SPEM1: variants seen among roughly 807,000 people sequenced by gnomAD.
SPEM1 encodes spermatid maturation protein 1.
A neutral mutation model predicts 9.0 loss-of-function variants in SPEM1; 10 were observed. That is an observed-to-expected ratio of 1.11 (90% CI 0.68 to 1.88). SPEM1 has a LOEUF of 1.88. SPEM1 is among the 40% of genes most tolerant of loss of function. SPEM1 has a pLI of 0.00. For synonymous variants in SPEM1, 175 were observed against 157.8 expected, an observed-to-expected ratio of 1.11 and a Z score of -0.82; for missense variants, 401 against 408.6, an observed-to-expected ratio of 0.98 and a Z score of 0.16.
chr17:7,420,330 C>T lies in SPEM1; in HGVS notation c.-55C>T. On this transcript the variant is annotated 5_prime_UTR_variant, in exon 1 of 3. Coordinates refer to ENST00000323675, the MANE Select transcript of SPEM1 (RefSeq NM_199339.3). ...CAGGGACAGGCAGGCAGTCAGTGGA[C>T]ACTGTCGGCACGGTGGGCTGGGGGC... The T allele has an allele frequency of 1.4e-6, 2 of 1,460,270 alleles. No homozygotes were observed. The highest frequency in any genetic ancestry group is 1.5e-5 in the South Asian group (1 of 68,938). The allele number at this position is 1,460,270 out of a possible 1,614,324, so 90.5% of individuals were successfully genotyped here. A position where few individuals can be genotyped will look rare whatever the true frequency, so the allele number is the denominator to read the frequency against.
chr17:7,421,518 G>T lies in SPEM1; in HGVS notation c.843G>T (p.Leu281=). The part of the protein sequence containing the change: ...LRELTREVEA[L]SGCYPLASGS... Reference sequence around the variant, plus strand: ...AACTGACCCGGGAGGTGGAGGCCCTGTCCGGCTGCTACCCCCTAGCCTCTG... The same window carrying T: ...AACTGACCCGGGAGGTGGAGGCCCTTTCCGGCTGCTACCCCCTAGCCTCTG... Residue 281 remains leucine (L), a synonymous_variant, in exon 3 of 3, where the codon CTG becomes CTT. Transcript: ENST00000323675. This position sits in a 1 kb window ranked among gnomAD's most constrained non-coding sequence, Gnocchi z 4.8. 1 of 1,604,262 alleles carries T rather than the reference G, an allele frequency of 6.2e-7. No individual in the cohort carries two copies.
rs1280454516 is a variant in SPEM1 at position 7,421,515 on chromosome 17, C to T, written c.840C>T (p.Ala280=). The change falls in exon 3 of 3, where the codon GCC becomes GCT. Residue 280 remains alanine (A), a synonymous_variant. Coordinates refer to ENST00000323675, the MANE Select transcript of SPEM1 (RefSeq NM_199339.3). The surrounding 1 kb of genome is among the most constrained non-coding windows in gnomAD (Gnocchi z 4.8). ...GGGAACTGACCCGGGAGGTGGAGGC[C>T]CTGTCCGGCTGCTACCCCCTAGCCT... is the stretch of plus-strand genomic sequence containing the variant. ...RLRELTREVE[A]LSGCYPLASG... 1 of 1,605,738 alleles carries T rather than the reference C, an allele frequency of 6.2e-7. No homozygotes were observed. Among genetic ancestry groups the T allele is most frequent in the Admixed American group, 1.7e-5 (1 of 59,682 alleles).
Position 7,420,872 on chromosome 17 carries a change from C to G in SPEM1, c.206-9C>G, listed in dbSNP as rs780188619. On this transcript the variant is annotated splice_polypyrimidine_tract_variant and intron_variant, in intron 2 of 2. Transcript: ENST00000323675. ...CTCCCCACTAGTCTCACCTCTCCCC[C>G]ATCCACAGAAGCTCCCAAGTCATCA... 1.9e-6 allele frequency: 3 copies of G among 1,612,806 alleles called. No homozygotes were observed. In the African/African-American group the frequency reaches 4.0e-5, roughly 21 times the overall value.
At position 7,421,314 on chromosome 17, in the gene SPEM1, C is replaced by T. The variant is rs779349658; in HGVS notation, c.639C>T (p.Ser213=). 2 of 1,614,126 alleles carry T rather than the reference C, an allele frequency of 1.2e-6. No homozygotes were observed. Among genetic ancestry groups the T allele is most frequent in the Non-Finnish European group, 1.7e-6 (2 of 1,180,008 alleles). ...ATCCTGTGAACCCCCCACCTCCCAGCCCTGAGGCTCCTAGCCACAAGAACG... is the reference window on the plus strand; with the variant it reads ...ATCCTGTGAACCCCCCACCTCCCAGTCCTGAGGCTCCTAGCCACAAGAACG... ...YVYPVNPPPP[S]PEAPSHKNGG... is the part of the protein sequence containing the mutation. The change falls in exon 3 of 3, where the codon AGC becomes AGT. Residue 213 remains serine, a synonymous_variant. Coordinates refer to ENST00000323675, the MANE Select transcript of SPEM1 (RefSeq NM_199339.3). The surrounding 1 kb of genome is among the most constrained non-coding windows in gnomAD (Gnocchi z 4.8).
rs567448046 is a variant in SPEM1, at chr17:7,420,888, C to T, written c.213C>T (p.Pro71=). ...FHDTICEKEA[P]KSSLLRKQTQ... Reference sequence around the variant, plus strand: ...CCTCTCCCCCATCCACAGAAGCTCCCAAGTCATCATTACTCAGAAAGCAGA... The same window carrying T: ...CCTCTCCCCCATCCACAGAAGCTCCTAAGTCATCATTACTCAGAAAGCAGA... Residue 71 remains proline, a synonymous_variant, in exon 3 of 3, where the codon CCC becomes CCT. Coordinates refer to ENST00000323675, the MANE Select transcript of SPEM1 (RefSeq NM_199339.3). 1 of 1,613,662 alleles carries T rather than the reference C, an allele frequency of 6.2e-7. No individual in the cohort carries two copies. The highest frequency in any genetic ancestry group is 2.2e-5 in the East Asian group (1 of 44,872).
rs112739519 is a variant in SPEM1, at chr17:7,421,386, T to A, written c.711T>A (p.Pro237=). Residue 237 remains proline (P), a synonymous_variant, in exon 3 of 3, where the codon CCT becomes CCA. Transcript: ENST00000323675. The surrounding 1 kb of genome is among the most constrained non-coding windows in gnomAD (Gnocchi z 4.8). ...AGGCAGAGGCGGCTCAGTACCAGCC[T>A]GTCCCAGCTCCCACCCTGGGCCCAG... ...VPEAEAAQYQ[P]VPAPTLGPAV... is the part of the protein sequence containing the mutation. The A allele has an allele frequency of 6.2e-7, 1 of 1,608,966 alleles. No individual in the cohort carries two copies. Among genetic ancestry groups the A allele is most frequent in the South Asian group, 1.1e-5 (1 of 90,638 alleles).
chr17:7,420,973 G>A lies in SPEM1; in HGVS notation c.298G>A (p.Val100Met). ...CCATCTTCGGTGCACCATGGACCCTGTGATGATGACTGTGTCCCCGCCCCC... is the reference window on the plus strand; with the variant it reads ...CCATCTTCGGTGCACCATGGACCCTATGATGATGACTGTGTCCCCGCCCCC... ...AVHLRCTMDPVMMTVSPPPAH... is the reference protein window; with the variant it reads ...AVHLRCTMDPMMMTVSPPPAH... The change falls in exon 3 of 3, where the codon GTG becomes ATG. Residue 100 changes from valine to methionine, a missense_variant. Physicochemically the swap from Val to Met is conservative, Grantham distance 21. Transcript: ENST00000323675. The A allele has an allele frequency of 6.2e-7, 1 of 1,614,122 alleles. No individual in the cohort carries two copies. The highest frequency in any genetic ancestry group is 8.5e-7 in the Non-Finnish European group (1 of 1,180,024).
chr17:7,421,517 T>A lies in SPEM1; in HGVS notation c.842T>A (p.Leu281Gln). ...LRELTREVEA[L>Q]SGCYPLASGS... ...GAACTGACCCGGGAGGTGGAGGCCCTGTCCGGCTGCTACCCCCTAGCCTCT... is the reference window on the plus strand; with the variant it reads ...GAACTGACCCGGGAGGTGGAGGCCCAGTCCGGCTGCTACCCCCTAGCCTCT... The change falls in exon 3 of 3, where the codon CTG becomes CAG. Residue 281 changes from leucine (L) to glutamine (Q), a missense_variant. Coordinates refer to ENST00000323675, the MANE Select transcript of SPEM1 (RefSeq NM_199339.3). This position sits in a 1 kb window ranked among gnomAD's most constrained non-coding sequence, Gnocchi z 4.8. 1.2e-6 allele frequency: 2 copies of A among 1,604,386 alleles called. No homozygotes were observed. Among genetic ancestry groups the A allele is most frequent in the Non-Finnish European group, 1.7e-6 (2 of 1,177,054 alleles).
At position 7,421,609 on chromosome 17, in the gene SPEM1, G is replaced by GA. The variant is rs773750114; in HGVS notation, c.*11dup. On this transcript the variant is annotated 3_prime_UTR_variant, in exon 3 of 3. Transcript: ENST00000323675. The surrounding 1 kb of genome is among the most constrained non-coding windows in gnomAD (Gnocchi z 4.8). ...CCGTTCCCTAACTGGGAGGTGACTG[G>GA]AAAAAAATAAAAAGGAGAGAGGAGG... The GA allele has an allele frequency of 3.1e-4, 467 of 1,496,506 alleles. No individual in the cohort carries two copies. The highest frequency in any genetic ancestry group is 4.0e-4 in the Non-Finnish European group (449 of 1,128,776). The allele number at this position is 1,496,506 out of a possible 1,614,324, so 92.7% of individuals were successfully genotyped here. A position where few individuals can be genotyped will look rare whatever the true frequency, so the allele number is the denominator to read the frequency against.
rs756658151 is a variant in SPEM1 at position 7,420,703 on chromosome 17, G to T, written c.205+16G>T. On this transcript the variant is annotated intron_variant, in intron 2 of 2. Transcript: ENST00000323675. The stretch of plus-strand genomic sequence containing the variant: ...TGTGAGAAAGGTAAGAGGTCTGGGG[G>T]CTGGGACATAGGAGGGGCAGAAACC... 6.2e-7 allele frequency: 1 copy of T among 1,613,450 alleles called. No homozygotes were observed. The highest frequency in any genetic ancestry group is 8.5e-7 in the Non-Finnish European group (1 of 1,179,976).
rs201288589 is a variant in SPEM1, at chr17:7,420,636, C to T, written c.154C>T (p.Arg52Ter). The T allele has an allele frequency of 6.2e-7, 1 of 1,614,088 alleles. No individual in the cohort carries two copies. The highest frequency in any genetic ancestry group is 1.1e-5 in the South Asian group (1 of 91,084). The change falls in exon 2 of 3, where the codon CGA becomes TGA. Residue 52 changes from arginine (R) to a stop codon, truncating the protein, a stop_gained. Coordinates refer to ENST00000323675, the MANE Select transcript of SPEM1 (RefSeq NM_199339.3). LOFTEE classifies it high-confidence loss of function. ...GTCTTCCCCCACCTAGCTCTGGAGC[C>T]GATTCCGTGGTGTCTTATACCAAGT... is the stretch of plus-strand genomic sequence containing the variant. The part of the protein sequence containing the change: ...SINIVTLLWS[R>*]FRGVLYQVFH...
In SPEM1 at chr17:7,420,689, TA is replaced by T. The variant is rs1244438187; in HGVS notation, c.205+4del. 1 of 1,613,666 alleles carries T rather than the reference TA, an allele frequency of 6.2e-7. No individual in the cohort carries two copies. The highest frequency in any genetic ancestry group is 2.2e-5 in the East Asian group (1 of 44,884). ...TCCATGATACCATTTGTGAGAAAGG[TA>T]AGAGGTCTGGGGGCTGGGACATAGG... is the stretch of plus-strand genomic sequence containing the variant. On this transcript the variant is annotated splice_donor_region_variant and intron_variant, in intron 2 of 2. Coordinates refer to ENST00000323675, the MANE Select transcript of SPEM1 (RefSeq NM_199339.3).
chr17:7,421,491 G>T lies in SPEM1; in HGVS notation c.816G>T (p.Arg272=). The change falls in exon 3 of 3, where the codon CGG becomes CGT. Residue 272 remains arginine, a synonymous_variant. Coordinates refer to ENST00000323675, the MANE Select transcript of SPEM1 (RefSeq NM_199339.3). This position sits in a 1 kb window ranked among gnomAD's most constrained non-coding sequence, Gnocchi z 4.8. Reference sequence around the variant, plus strand: ...CCCGGGACATGAGACGGCGGCTTCGGGAACTGACCCGGGAGGTGGAGGCCC... The same window carrying T: ...CCCGGGACATGAGACGGCGGCTTCGTGAACTGACCCGGGAGGTGGAGGCCC... ...YDARDMRRRL[R]ELTREVEALS... is the part of the protein sequence containing the mutation. 6.2e-7 allele frequency: 1 copy of T among 1,610,842 alleles called. No homozygotes were observed. The highest frequency in any genetic ancestry group is 1.1e-5 in the South Asian group (1 of 90,844).
At chr17:7,420,777 C>G in intron 2 of SPEM1, 90 bp downstream of exon 2, 1 of 1,602,052 alleles carries the variant, frequency 6.2e-7, no homozygotes, top group East Asian at 2.2e-5. Flanking sequence ...TCTTGCTCGC[C>G]CCTCTCAGAC....
In SPEM1 at chr17:7,420,482, T is replaced by A. The variant is rs772289434; in HGVS notation, c.98T>A (p.Leu33Gln). 1 of 1,611,418 alleles carries A rather than the reference T, an allele frequency of 6.2e-7. No homozygotes were observed. The highest frequency in any genetic ancestry group is 1.1e-5 in the South Asian group (1 of 90,708). ...CTGGGCAACTCTGTCCTGTTGCTGC[T>A]GGGCCTCATCATCTGCATTAACATT... ...QDLGNSVLLL[L>Q]GLIICINISI... Residue 33 changes from leucine (L) to glutamine (Q), a missense_variant, in exon 1 of 3, where the codon CTG (leucine) becomes CAG (glutamine). Transcript: ENST00000323675.
At position 7,421,196 on chromosome 17, in the gene SPEM1, C is replaced by G; in HGVS notation, c.521C>G (p.Ser174Cys). ...CCCTGGTCTCAGGATGCCCCAGAGT[C>G]CCCTCCCCAGACCATCCGCTTCCAG... ...WVPWSQDAPE[S>C]PPQTIRFQPT... Residue 174 changes from serine (S) to cysteine (C), a missense_variant, in exon 3 of 3, where the codon TCC becomes TGC. Physicochemically the swap from Ser to Cys is moderately radical, Grantham distance 112. Transcript: ENST00000323675. The surrounding 1 kb of genome is among the most constrained non-coding windows in gnomAD (Gnocchi z 4.8). 1.9e-6 allele frequency: 3 copies of G among 1,613,778 alleles called. No homozygotes were observed. The highest frequency in any genetic ancestry group is 2.5e-6 in the Non-Finnish European group (3 of 1,179,866).
rs754969486 is a variant in SPEM1, at chr17:7,420,426, T to C, written c.42T>C (p.Tyr14=). 1.3e-6 allele frequency: 2 copies of C among 1,586,540 alleles called. No individual in the cohort carries two copies. The highest frequency in any genetic ancestry group is 2.7e-5 in the African/African-American group (2 of 74,700). ...GGCCGAGGCCCGAGTGGGCCTCGTATCACAACTGCAACAGCAACAGCTGCC... is the reference window on the plus strand; with the variant it reads ...GGCCGAGGCCCGAGTGGGCCTCGTACCACAACTGCAACAGCAACAGCTGCC... ...VERPRPEWAS[Y]HNCNSNSCQD... The change falls in exon 1 of 3, where the codon TAT becomes TAC. Residue 14 remains tyrosine, a synonymous_variant. Coordinates refer to ENST00000323675, the MANE Select transcript of SPEM1 (RefSeq NM_199339.3).
Position 7,421,517 on chromosome 17 carries a change from T to C in SPEM1, c.842T>C (p.Leu281Pro), listed in dbSNP as rs1800358288. 1 of 1,604,386 alleles carries C rather than the reference T, an allele frequency of 6.2e-7. No individual in the cohort carries two copies. The highest frequency in any genetic ancestry group is 8.5e-7 in the Non-Finnish European group (1 of 1,177,054). Residue 281 changes from leucine (L) to proline (P), a missense_variant, in exon 3 of 3, where the codon CTG becomes CCG. Transcript: ENST00000323675. The surrounding 1 kb of genome is among the most constrained non-coding windows in gnomAD (Gnocchi z 4.8). ...GAACTGACCCGGGAGGTGGAGGCCC[T>C]GTCCGGCTGCTACCCCCTAGCCTCT... ...LRELTREVEA[L>P]SGCYPLASGS...
At position 7,421,431 on chromosome 17, in the gene SPEM1, C is replaced by A. The variant is rs769554161; in HGVS notation, c.756C>A (p.Ser252=). The A allele has an allele frequency of 6.8e-6, 11 of 1,608,174 alleles. No homozygotes were observed. The highest frequency in any genetic ancestry group is 8.5e-7 in the Non-Finnish European group (1 of 1,176,170). ...GCCCAGCAGTCATCCCTGAATTTTC[C>A]CGGCACCGCTCCTCAGGCCGAATAG... The part of the protein sequence containing the change: ...TLGPAVIPEF[S]RHRSSGRIVY... The change falls in exon 3 of 3, where the codon TCC becomes TCA. Residue 252 remains serine, a synonymous_variant. Transcript: ENST00000323675. The surrounding 1 kb of genome is among the most constrained non-coding windows in gnomAD (Gnocchi z 4.8).
Sources: allele counts gnomAD v4.1 joint callset, GRCh38; gene constraint gnomAD v4.1.1; non-coding constraint Gnocchi (gnomAD v3.1); transcripts MANE v1.5; gene names NCBI Gene and HGNC (gene_info 2026-07-23, HGNC 2026-07-21).